Variants in GLIS3 observed in about 807,000 individuals in gnomAD.
GLIS3 encodes the protein zinc finger protein GLIS3.
A neutral mutation model predicts 78.6 loss-of-function variants in GLIS3; 53 were observed. The observed-to-expected ratio is 0.67, with a 90% CI of 0.54 to 0.85. The LOEUF (loss-of-function observed/expected upper bound fraction) is 0.85, where lower values mean the gene tolerates loss of function less well. Ranked by LOEUF, GLIS3 falls within the 40% of genes least tolerant of loss-of-function variation. GLIS3 has a pLI of 0.00. For synonymous variants in GLIS3, 684 were observed against 509.9 expected, an observed-to-expected ratio of 1.34 and a Z score of -4.60; for missense variants, 1,703 against 1,231.1, an observed-to-expected ratio of 1.38 and a Z score of -5.74.
At chr9:4,329,079 G>C (rs1209525401) in intron 2 of GLIS3, among the ~76,000 whole-genome samples, 1 of 152,190 alleles carries the variant, frequency 6.6e-6, no homozygotes, top group Non-Finnish European at 1.5e-5. Context: ...TTAACACTTA[G>C]AGAAATAGCC....
chr9:4,047,935 A>T (rs1164215634), intron 4 of GLIS3, among the ~76,000 whole-genome samples: 2 of 152,218 alleles, frequency 1.3e-5, no homozygotes, highest in African/African-American at 4.8e-5. Context: ...CTACTTCACC[A>T]GCTGGTAGGC....
At chr9:4,124,135 A>C (rs192989660) in intron 3 of GLIS3, among the ~76,000 whole-genome samples, 1 of 152,298 alleles carries the variant, frequency 6.6e-6, no homozygotes, top group Non-Finnish European at 1.5e-5. Flanking sequence ...AAATTGCTAA[A>C]AGTAAGTTCC....
intron 2 of GLIS3, among the ~76,000 whole-genome samples, chr9:4,155,249 T>C (rs1178122952): frequency 6.6e-6 from 1 of 152,212 alleles, no homozygotes; most frequent in African/African-American, 2.4e-5. Context: ...GTCACGTTAC[T>C]GGATCACTGC....
chr9:4,394,151 C>T, the GLIS3 span, among the ~76,000 whole-genome samples: 1 of 150,202 alleles, frequency 6.7e-6, no homozygotes, highest in Non-Finnish European at 1.5e-5. Flanking sequence ...CCCTTGATTG[C>T]TAACCGTGAG....
chr9:4,044,244 C>T (rs1417179508), intron 4 of GLIS3, among the ~76,000 whole-genome samples: 3 of 152,188 alleles, frequency 2.0e-5, no homozygotes, highest in African/African-American at 2.4e-5. Context: ...ACCTGTGAAA[C>T]CAGACACTCT....
In GLIS3 at chr9:4,286,136, C is replaced by T. The variant is rs745417224; in HGVS notation, c.290G>A (p.Arg97Gln). The T allele has an allele frequency of 7.4e-6, 12 of 1,613,730 alleles. No individual in the cohort carries two copies. The highest frequency in any genetic ancestry group is 1.0e-5 in the Non-Finnish European group (12 of 1,179,636). The change falls in exon 2 of 11, where the codon CGA becomes CAA. Residue 97 changes from arginine to glutamine, a missense_variant. Physicochemically the swap from Arg to Gln is conservative, Grantham distance 43 (BLOSUM62 1). Coordinates refer to ENST00000381971, the MANE Select transcript of GLIS3 (RefSeq NM_001042413.2). ...RRQMLTNGKP[R>Q]FQVTQAGGMS... The stretch of plus-strand genomic sequence containing the variant: ...GCCTCCAGCCTGGGTGACCTGGAAT[C>T]GCGGCTTCCCATTGGTGAGCATTTG...
chr9:4,246,975 T>C (rs183050750), intron 2 of GLIS3, among the ~76,000 whole-genome samples: 2 of 152,366 alleles, frequency 1.3e-5, no homozygotes, highest in African/African-American at 4.8e-5. Context: ...GATTTAAGCA[T>C]AATACATTTG....
chr9:4,188,971 A>G (rs1818068520), intron 2 of GLIS3, among the ~76,000 whole-genome samples: 1 of 151,758 alleles, frequency 6.6e-6, no homozygotes, highest in South Asian at 2.1e-4. Flanking sequence ...TAATTTTCTG[A>G]AGGGTTTTTT....
chr9:4,004,693 G>T (rs972223351), intron 4 of GLIS3, among the ~76,000 whole-genome samples: 12 of 152,254 alleles, frequency 7.9e-5, no homozygotes, highest in African/African-American at 1.7e-4. Context: ...CTGCTTATTA[G>T]CCCTAAAGTT....
At position 4,051,489 on chromosome 9, in the gene GLIS3, A is replaced by T. The variant is rs536833872; in HGVS notation, c.1710+66279T>A. Among the ~76,000 whole-genome samples the T allele has an allele frequency of 4.1e-3, 628 of 152,304 alleles. 2 individuals are homozygous for T. Among genetic ancestry groups the T allele is most frequent in the Non-Finnish European group, 7.3e-3 (498 of 68,022 alleles). The stretch of plus-strand genomic sequence containing the variant: ...TCCCTTGAAAAATGTAGCCAAACAT[A>T]TCTCCACCTCCTAATAACTATGTGG... On this transcript the variant is annotated intron_variant, in intron 4 of 10. Transcript: ENST00000381971.
the GLIS3 span, among the ~76,000 whole-genome samples, chr9:4,474,285 T>G: frequency 6.6e-6 from 1 of 152,160 alleles, no homozygotes; most frequent in Admixed American, 6.6e-5. Flanking sequence ...GTGGGCAGAT[T>G]GCTTGAGCTC....
chr9:4,485,795 A>C, the GLIS3 span, among the ~76,000 whole-genome samples: 4 of 149,814 alleles, frequency 2.7e-5, no homozygotes, highest in South Asian at 8.4e-4. Flanking sequence ...ATCTCAGCTC[A>C]CTGCGACCTC....
chr9:4,209,300 G>A (rs1820168479), intron 2 of GLIS3, among the ~76,000 whole-genome samples: 3 of 152,284 alleles, frequency 2.0e-5, no homozygotes, highest in South Asian at 4.1e-4. Flanking sequence ...ACAGGTGCTT[G>A]TGCTACCTCC....
At chr9:4,406,022 A>C in the GLIS3 span, among the ~76,000 whole-genome samples, 2 of 152,238 alleles carry the variant, frequency 1.3e-5, no homozygotes, top group East Asian at 3.8e-4. Flanking sequence ...ACATCTCTTC[A>C]TGATAAAAAC....
chr9:3,981,844 C>G (rs1179935588), intron 4 of GLIS3, among the ~76,000 whole-genome samples: 1 of 152,124 alleles, frequency 6.6e-6, no homozygotes. Flanking sequence ...TGCCTAGCCA[C>G]TTTTTGGCAA....
intron 1 of GLIS3, chr9:4,347,267 G>C (rs939407327): frequency 6.6e-6 from 1 of 152,158 alleles, no homozygotes; most frequent in Non-Finnish European, 1.5e-5. Flanking sequence ...AACTAATAGA[G>C]CAAGAACTCA....
upstream of GLIS3, among the ~76,000 whole-genome samples, chr9:4,300,119 G>T (rs562617050): frequency 1.3e-5 from 2 of 151,692 alleles, no homozygotes; most frequent in African/African-American, 4.8e-5. Context: ...TGTGAGCGCC[G>T]GAGGGGGAGG....
chr9:4,197,634 T>G (rs1229704251), intron 2 of GLIS3, among the ~76,000 whole-genome samples: 1 of 152,210 alleles, frequency 6.6e-6, no homozygotes. Flanking sequence ...AGTCCTGCCC[T>G]GCCCATCTTG....
chr9:3,952,706 C>T (rs1181054698), intron 4 of GLIS3, among the ~76,000 whole-genome samples: 4 of 152,146 alleles, frequency 2.6e-5, no homozygotes, highest in African/African-American at 9.7e-5. Context: ...GGAAACAACA[C>T]ATAATATCTG....
Sources: gnomAD v4.1 joint callset for allele counts (sites outside exome capture counted in the v4.1 genomes callset) on GRCh38, gnomAD v4.1.1 for gene constraint, MANE v1.5 for transcripts, NCBI Gene and HGNC (gene_info 2026-07-23, HGNC 2026-07-21) for gene names.